The following PDE1A variants were observed in gnomAD, a reference collection of about 807,000 sequenced individuals.
The protein encoded by PDE1A is phosphodiesterase 1A.
In PDE1A, 35 loss-of-function variants were observed where a neutral mutation model predicts 61.7. The ratio of observed to expected loss-of-function variants is 0.57; its 90% CI spans 0.43 to 0.75. The LOEUF is 0.75. Among genes scored for constraint, PDE1A ranks in the 30% least tolerant of loss-of-function variants. The pLI is 0.00. For missense variants in PDE1A, 597 were observed against 630.6 expected (o/e 0.95, Z 0.57); for synonymous variants, 232 against 213.2 (o/e 1.09, Z -0.77).
chr2:182,659,905 T>C, the PDE1A span, among the ~76,000 whole-genome samples: 29 of 152,232 alleles, frequency 1.9e-4, no homozygotes, highest in Admixed American at 6.5e-5. Flanking sequence ...TCTCTAATGC[T>C]GTCATAATTT....
the PDE1A span, among the ~76,000 whole-genome samples, chr2:182,635,115 T>C: frequency 1.8e-5 from 2 of 110,310 alleles, no homozygotes; most frequent in African/African-American, 6.2e-5. Context: ...CATAGCCACA[T>C]TGTAAATGGA....
chr2:182,222,731 A>G (rs1180813719), intron 7 of PDE1A, among the ~76,000 whole-genome samples: 1 of 135,156 alleles, frequency 7.4e-6, no homozygotes, highest in Non-Finnish European at 1.5e-5. Flanking sequence ...AAGTCTATTA[A>G]TTAGAAAAAA....
intron 1 of PDE1A, among the ~76,000 whole-genome samples, chr2:182,317,570 G>A (rs936941890): frequency 6.6e-6 from 1 of 152,196 alleles, no homozygotes; most frequent in African/African-American, 2.4e-5. Flanking sequence ...ATAACAATGA[G>A]TGCTGCAACA....
intron 10 of PDE1A, among the ~76,000 whole-genome samples, chr2:182,200,736 G>A (rs1686551104): frequency 6.6e-6 from 1 of 152,220 alleles, no homozygotes. Context: ...GGTCAGAAGT[G>A]CTGGTGTCCC....
chr2:182,175,339 G>A (rs553025979), intron 13 of PDE1A, among the ~76,000 whole-genome samples: 1 of 152,116 alleles, frequency 6.6e-6, no homozygotes, highest in Non-Finnish European at 1.5e-5. Context: ...ATCCTCTCCA[G>A]TATCTGTTAT....
At chr2:182,474,366 T>C (rs1263028741) in intron 2 of PDE1A, among the ~76,000 whole-genome samples, 1 of 151,864 alleles carries the variant, frequency 6.6e-6, no homozygotes, top group Non-Finnish European at 1.5e-5. Context: ...AGCAGCAAAG[T>C]AGGCTATTCA....
chr2:182,603,680 A>G, the PDE1A span, among the ~76,000 whole-genome samples: 1 of 152,244 alleles, frequency 6.6e-6, no homozygotes, highest in African/African-American at 2.4e-5. Context: ...AGACTGTGAG[A>G]GCAGCAAAAT....
chr2:182,447,365 G>A (rs986193458), intron 2 of PDE1A, among the ~76,000 whole-genome samples: 1 of 151,910 alleles, frequency 6.6e-6, no homozygotes, highest in Admixed American at 6.6e-5. Flanking sequence ...TAAACACACC[G>A]GACCCTCTAC....
At chr2:182,389,934 G>A (rs530801381) in intron 1 of PDE1A, among the ~76,000 whole-genome samples, 7 of 152,224 alleles carry the variant, frequency 4.6e-5, no homozygotes, top group African/African-American at 1.4e-4. Flanking sequence ...GCTTTTGGAC[G>A]CTTGGACTTA....
At chr2:182,656,932 A>G in the PDE1A span, among the ~76,000 whole-genome samples, 2 of 152,186 alleles carry the variant, frequency 1.3e-5, no homozygotes, top group Admixed American at 1.3e-4. Flanking sequence ...TATGCAGAAT[A>G]AAACACAACT....
chr2:182,206,283 G>C (rs116251783), intron 7 of PDE1A, among the ~76,000 whole-genome samples: 1,573 of 152,156 alleles, frequency 0.01, 28 homozygotes, highest in African/African-American at 0.036. Flanking sequence ...CAGCAAAATG[G>C]AAGTTGGTAC....
the PDE1A span, among the ~76,000 whole-genome samples, chr2:182,681,486 T>C: frequency 6.6e-6 from 1 of 151,182 alleles, no homozygotes; most frequent in South Asian, 2.1e-4. Flanking sequence ...AATTCTTTCG[T>C]GGCTTTTTTG....
intron 12 of PDE1A, 25 bp from the exon 13 acceptor site, chr2:182,186,104 A>G (rs1212592284): frequency 1.2e-6 from 2 of 1,607,624 alleles, no homozygotes; most frequent in Non-Finnish European, 1.7e-6. Flanking sequence ...CAAAGAAACC[A>G]AAAAACACCA....
the PDE1A span, among the ~76,000 whole-genome samples, chr2:182,628,428 TC>T: frequency 6.6e-6 from 1 of 152,232 alleles, no homozygotes; most frequent in Non-Finnish European, 1.5e-5. Flanking sequence ...AGAGTTCTTT[TC>T]CTTTAATTTT....
intron 2 of PDE1A, chr2:182,241,771 G>C (rs1690531486): frequency 7.5e-7 from 1 of 1,335,586 alleles, no homozygotes. Context: ...AAAATATTTA[G>C]AGTTGAATGT....
the PDE1A span, among the ~76,000 whole-genome samples, chr2:182,683,016 A>C: frequency 6.6e-6 from 1 of 152,190 alleles, no homozygotes; most frequent in African/African-American, 2.4e-5. Context: ...ATGCAAATTT[A>C]GTGTTATGAT....
At chr2:182,184,014 G>GAAAGAAAA (rs1333772732) in intron 13 of PDE1A, among the ~76,000 whole-genome samples, 1 of 39,850 alleles carries the variant, frequency 2.5e-5, no homozygotes, top group African/African-American at 5.7e-5. Flanking sequence ...AGAGAAGAAA[G>GAAAGAAAA]AAAGAAAGAA....
the PDE1A span, among the ~76,000 whole-genome samples, chr2:182,633,357 G>T: frequency 5.3e-5 from 8 of 152,170 alleles, no homozygotes; most frequent in Non-Finnish European, 1.0e-4. Context: ...TGGTATTTGT[G>T]CTTTTCTTCC....
chr2:182,388,704 CA>C (rs900647889), intron 1 of PDE1A, among the ~76,000 whole-genome samples: 1 of 151,678 alleles, frequency 6.6e-6, no homozygotes, highest in Non-Finnish European at 1.5e-5. Flanking sequence ...ATACCCACAT[CA>C]AAAAAAGAAA....
Sources: gnomAD v4.1 joint callset for allele counts (sites outside exome capture counted in the v4.1 genomes callset) on GRCh38, gnomAD v4.1.1 for gene constraint, MANE v1.5 for transcripts, NCBI Gene and HGNC (gene_info 2026-07-23, HGNC 2026-07-21) for gene names.